The following FUBP1 variants were observed in gnomAD, a reference collection of about 807,000 sequenced individuals.
FUBP1 encodes the protein far upstream element binding protein 1.
FUBP1 carries 16 observed loss-of-function variants against 94.9 expected under a neutral mutation model. The observed-to-expected ratio is 0.17, with a 90% CI of 0.11 to 0.26. The LOEUF (loss-of-function observed/expected upper bound fraction) is 0.26. Ranked by LOEUF, FUBP1 falls within the 10% of genes least tolerant of loss-of-function variation. The pLI, the probability that FUBP1 is intolerant of heterozygous loss-of-function variation, is 1.00. For synonymous variants in FUBP1, 279 were observed against 254.9 expected, an observed-to-expected ratio of 1.09 and a Z score of -0.90; for missense variants, 583 against 808.6, an observed-to-expected ratio of 0.72 and a Z score of 3.38.
At chr1:77,966,205 AAAG>A (rs1656459862) in intron 7 of FUBP1, among the ~76,000 whole-genome samples, 1 of 152,226 alleles carries the variant, frequency 6.6e-6, no homozygotes, top group Admixed American at 6.5e-5. Context: ...TGGTAGGGAA[AAAG>A]AAAAGCTTCT....
chr1:77,976,606 G>A (rs1299550328), intron 1 of FUBP1, among the ~76,000 whole-genome samples: 2 of 151,808 alleles, frequency 1.3e-5, no homozygotes, highest in Non-Finnish European at 2.9e-5. Context: ...CGGTTCTTGT[G>A]CCTCAGCCTC....
intron 16 of FUBP1, among the ~76,000 whole-genome samples, chr1:77,959,517 T>A (rs373591639): frequency 6.6e-6 from 1 of 151,954 alleles, no homozygotes; most frequent in South Asian, 2.1e-4. Context: ...TGGACTGTTA[T>A]ATATATATAT....
chr1:77,964,009 G>T (rs2102389130), intron 12 of FUBP1, 53 bp downstream of exon 12: 1 of 1,071,440 alleles, frequency 9.3e-7, no homozygotes, highest in Non-Finnish European at 1.5e-6. Context: ...TTTCATGAAG[G>T]AAAATACTTT....
chr1:77,968,650 A>G (rs1326210386), intron 2 of FUBP1, among the ~76,000 whole-genome samples: 1 of 151,778 alleles, frequency 6.6e-6, no homozygotes, highest in Non-Finnish European at 1.5e-5. Flanking sequence ...CCCAAAAAAA[A>G]AAAAACAAAA....
At chr1:77,977,298 G>A (rs1658809568) in intron 1 of FUBP1, among the ~76,000 whole-genome samples, 2 of 152,192 alleles carry the variant, frequency 1.3e-5, no homozygotes, top group Admixed American at 6.5e-5. Flanking sequence ...GAGGTCAGGA[G>A]TTCGAGACCA....
rs997164355 is a variant in FUBP1, at chr1:77,949,178, G to A, written c.1903C>T (p.Pro635Ser). 1.1e-5 allele frequency: 17 copies of A among 1,612,950 alleles called. No homozygotes were observed. Among genetic ancestry groups the A allele is most frequent in the Non-Finnish European group, 1.4e-5 (16 of 1,179,244 alleles). ...ACCTGAGGTGCTGGAGGATGCTGTG[G>A]CATTCCCTGGGGACTTGTCTGGGCA... Reference protein sequence around the residue: ...YYAQTSPQGMPQHPPAPQGQ With the variant: ...YYAQTSPQGMSQHPPAPQGQ Residue 635 changes from proline to serine, a missense_variant, in exon 19 of 20, where the codon CCA becomes TCA. Pro to Ser is a moderately conservative substitution (Grantham distance 74). Coordinates refer to ENST00000370768, the MANE Select transcript of FUBP1 (RefSeq NM_003902.5).
intron 14 of FUBP1, among the ~76,000 whole-genome samples, chr1:77,961,653 C>A (rs1452982552): frequency 6.6e-6 from 1 of 152,166 alleles, no homozygotes; most frequent in Non-Finnish European, 1.5e-5. Context: ...CTGAGGCAAC[C>A]CGACTACAGA....
In FUBP1 at chr1:77,946,238, T is replaced by A. The variant is rs1652134049; in HGVS notation, c.*2528A>T. Among the ~76,000 whole-genome samples, 1 of 151,620 alleles carries A rather than the reference T, an allele frequency of 6.6e-6. No individual in the cohort carries two copies. The highest frequency in any genetic ancestry group is 2.1e-4 in the South Asian group (1 of 4,826). Reference sequence around the variant, plus strand: ...TTCTTAATATTAACACTTCTATATTTGGGGAAAAAATACAAAAAGATTTGG... The same window carrying A: ...TTCTTAATATTAACACTTCTATATTAGGGGAAAAAATACAAAAAGATTTGG... On this transcript the variant is annotated 3_prime_UTR_variant, in exon 20 of 20. Transcript: ENST00000370768.
chr1:77,971,422 G>C (rs899147217), intron 1 of FUBP1, among the ~76,000 whole-genome samples: 1 of 152,164 alleles, frequency 6.6e-6, no homozygotes, highest in Non-Finnish European at 1.5e-5. Flanking sequence ...CAACTGGAGA[G>C]GGTAAAATTA....
intron 2 of FUBP1, chr1:77,969,096 A>G (rs1373656723): frequency 8.6e-7 from 1 of 1,156,610 alleles, no homozygotes; most frequent in Non-Finnish European, 1.2e-6. Flanking sequence ...TACACATAAA[A>G]TAAAAAGAAT....
At position 77,978,987 on chromosome 1, in the gene FUBP1, T is replaced by C; in HGVS notation, c.18A>G (p.Thr6=). Residue 6 remains threonine (T), a synonymous_variant, in exon 1 of 20, where the codon ACA becomes ACG. Transcript: ENST00000370768. MADYS[T]VPPPSSGSAG... ...CTGAGCCAGAAGAGGGGGGAGGCAC[T>C]GTTGAATAGTCTGCCATGGTTGCAC... 2 of 1,613,356 alleles carry C rather than the reference T, an allele frequency of 1.2e-6. No homozygotes were observed. The highest frequency in any genetic ancestry group is 1.7e-6 in the Non-Finnish European group (2 of 1,179,512).
In FUBP1 at chr1:77,947,612, A is replaced by T. The variant is rs1652424680; in HGVS notation, c.*1154T>A. On this transcript the variant is annotated 3_prime_UTR_variant, in exon 20 of 20. Transcript: ENST00000370768. ...CATGTAGTCTAATATATTAATATGC[A>T]AAGAGCCAACAAATATGCAAAGAGT... 18 of 1,060,058 alleles carry T rather than the reference A, an allele frequency of 1.7e-5. 1 individual carries two copies. The Middle Eastern group carries it at 3.1e-3, about 182-fold the overall frequency. 65.7% of individuals were successfully genotyped at this position (1,060,058 alleles called of 1,614,324 possible).
Position 77,976,772 on chromosome 1 carries a change from C to T in FUBP1, c.120+2113G>A, listed in dbSNP as rs79975482. ...CCTCCCAAAGTGCTGGGACTACAGG[C>T]GTGAGCCACCGTACCCGGCCTGAAA... On this transcript the variant is annotated intron_variant, in intron 1 of 19. Coordinates refer to ENST00000370768, the MANE Select transcript of FUBP1 (RefSeq NM_003902.5). 1.3e-3 allele frequency among the ~76,000 whole-genome samples: 191 copies of T among 152,302 alleles called. 1 individual carries two copies. In the East Asian group the frequency reaches 0.014, roughly 12 times the overall value.
intron 1 of FUBP1, among the ~76,000 whole-genome samples, chr1:77,976,998 A>G (rs889390239): frequency 1.3e-5 from 2 of 152,092 alleles, no homozygotes; most frequent in Admixed American, 1.3e-4. Context: ...TCATTTTATA[A>G]TGTCTTGCTC....
chr1:77,957,556 A>G (rs1426172663), intron 16 of FUBP1, among the ~76,000 whole-genome samples: 1 of 152,176 alleles, frequency 6.6e-6, no homozygotes, highest in Non-Finnish European at 1.5e-5. Context: ...AAAAAACTTG[A>G]TTGTCTTTTA....
At position 77,947,780 on chromosome 1, in the gene FUBP1, AAAG is replaced by A; in HGVS notation, c.*983_*985del. ...AAAACAAAGCTTATCTATACTGCATAAAGAAAAAAAAAAAGCTTGAACGTTTCC... is the reference window on the plus strand; with the variant it reads ...AAAACAAAGCTTATCTATACTGCATAAAAAAAAAAAAGCTTGAACGTTTCC... On this transcript the variant is annotated 3_prime_UTR_variant, in exon 20 of 20. Transcript: ENST00000370768. 3 of 741,934 alleles carry A rather than the reference AAAG, an allele frequency of 4.0e-6. No homozygotes were observed. The highest frequency in any genetic ancestry group is 5.6e-6 in the Non-Finnish European group (3 of 534,554). The allele number at this position is 741,934 out of a possible 1,614,324, so 46.0% of individuals were successfully genotyped here.
chr1:77,954,762 GA>G (rs1654136421), intron 18 of FUBP1, among the ~76,000 whole-genome samples: 1 of 152,140 alleles, frequency 6.6e-6, no homozygotes, highest in Non-Finnish European at 1.5e-5. Context: ...GATTTGTCCA[GA>G]AGTATAGTAT....
intron 1 of FUBP1, among the ~76,000 whole-genome samples, chr1:77,977,210 AAACGAAAAAAAAC>A (rs1400891074): frequency 1.3e-5 from 2 of 152,176 alleles, no homozygotes; most frequent in Non-Finnish European, 2.9e-5. Flanking sequence ...TAAAACAAAC[AAACGAAAAAAAAC>A]AAGGCCGGGC....
At chr1:77,963,034 G>T in intron 13 of FUBP1, 104 bp from the exon 14 acceptor site, 2 of 680,562 alleles carry the variant, frequency 2.9e-6, no homozygotes, top group South Asian at 2.3e-5. Flanking sequence ...AATATGGTTT[G>T]GTCAGTATCC....
Sources: gnomAD v4.1 joint callset for allele counts (sites outside exome capture counted in the v4.1 genomes callset) on GRCh38, gnomAD v4.1.1 for gene constraint, MANE v1.5 for transcripts, NCBI Gene and HGNC (gene_info 2026-07-23, HGNC 2026-07-21) for gene names.